GPCPD1: variants seen among roughly 807,000 people sequenced by gnomAD.
The protein encoded by GPCPD1 is glycerophosphocholine phosphodiesterase 1.
A neutral mutation model predicts 89.2 loss-of-function variants in GPCPD1; 29 were observed. The observed-to-expected ratio is 0.33, with a 90% CI of 0.24 to 0.44. The LOEUF (loss-of-function observed/expected upper bound fraction) is 0.44, where lower values mean the gene tolerates loss of function less well. Ranked by LOEUF, GPCPD1 falls within the 20% of genes least tolerant of loss-of-function variation. The pLI is 1.00. For missense variants in GPCPD1, 594 were observed against 808.9 expected (o/e 0.73, Z 3.22); for synonymous variants, 258 against 266.3 (o/e 0.97, Z 0.30).
intron 11 of GPCPD1, 43 bp downstream of exon 11, chr20:5,573,872 T>C (rs749632829): frequency 2.0e-6 from 2 of 1,002,924 alleles, no homozygotes; most frequent in Admixed American, 3.5e-5. Flanking sequence ...CTGATCCATA[T>C]TTCTCTACCT....
intron 1 of GPCPD1, among the ~76,000 whole-genome samples, chr20:5,606,137 A>G (rs897783356): frequency 5.9e-5 from 9 of 152,206 alleles, no homozygotes; most frequent in Non-Finnish European, 1.2e-4. Flanking sequence ...CCCATCCACT[A>G]ACTTAAGTAC....
At chr20:5,564,606 C>T (rs1436549677) in intron 15 of GPCPD1, among the ~76,000 whole-genome samples, 1 of 152,112 alleles carries the variant, frequency 6.6e-6, no homozygotes, top group East Asian at 1.9e-4. Flanking sequence ...GGCTGGGGGA[C>T]AGCGTAAGTC....
In GPCPD1 at chr20:5,573,944, T is replaced by C. The variant is rs752678117; in HGVS notation, c.1027A>G (p.Ile343Val). ...AQLAKVQENTIASLRNAASHG... is the reference protein window; with the variant it reads ...AQLAKVQENTVASLRNAASHG... ...CTAGCAGCATTTCTTAAAGAAGCAA[T>C]AGTATTTTCTTGAACTTTAGCCAGC... is the stretch of plus-strand genomic sequence containing the variant. The change falls in exon 11 of 20, where the codon ATT becomes GTT. Residue 343 changes from isoleucine to valine, a missense_variant. Ile to Val is a conservative substitution (Grantham distance 29). Coordinates refer to ENST00000379019, the MANE Select transcript of GPCPD1 (RefSeq NM_019593.5). 9.9e-6 allele frequency: 15 copies of C among 1,520,470 alleles called. No homozygotes were observed. The East Asian group carries it at 2.5e-4, about 25-fold the overall frequency. 94.2% of individuals were successfully genotyped at this position (1,520,470 alleles called of 1,614,324 possible).
At chr20:5,555,525 C>T (rs6053492) in intron 19 of GPCPD1, among the ~76,000 whole-genome samples, 15 of 150,882 alleles carry the variant, frequency 9.9e-5, no homozygotes, top group South Asian at 4.2e-4. Context: ...GGCGACAGAG[C>T]GAGACTCAAT....
chr20:5,605,790 T>A (rs556188944), intron 1 of GPCPD1, among the ~76,000 whole-genome samples: 4 of 151,922 alleles, frequency 2.6e-5, no homozygotes, highest in African/African-American at 9.7e-5. Context: ...CTTTTCAGAT[T>A]TTCTCTTTAT....
At chr20:5,564,609 C>CG (rs1986275423) in intron 15 of GPCPD1, among the ~76,000 whole-genome samples, 1 of 152,076 alleles carries the variant, frequency 6.6e-6, no homozygotes, top group Admixed American at 6.6e-5. Flanking sequence ...TGGGGGACAG[C>CG]GTAAGTCCAG....
At chr20:5,577,624 T>A (rs1978297820) in intron 8 of GPCPD1, among the ~76,000 whole-genome samples, 1 of 152,164 alleles carries the variant, frequency 6.6e-6, no homozygotes. Context: ...CATTCTGAAT[T>A]CTGTTGTTCT....
intron 15 of GPCPD1, among the ~76,000 whole-genome samples, chr20:5,562,009 T>G (rs917221288): frequency 3.3e-5 from 5 of 152,224 alleles, no homozygotes; most frequent in African/African-American, 1.2e-4. Flanking sequence ...CCTGAAAAGA[T>G]GTATCCCCAA....
intron 6 of GPCPD1, among the ~76,000 whole-genome samples, chr20:5,584,031 C>T (rs1978738532): frequency 6.6e-6 from 1 of 152,170 alleles, no homozygotes; most frequent in Non-Finnish European, 1.5e-5. Context: ...CATTGCTTAA[C>T]AATGAAGATA....
chr20:5,558,121 T>C lies in GPCPD1; in HGVS notation c.1669-16A>G. On this transcript the variant is annotated splice_polypyrimidine_tract_variant and intron_variant, in intron 18 of 19. Coordinates refer to ENST00000379019, the MANE Select transcript of GPCPD1 (RefSeq NM_019593.5). ...CATTTATCCCCTAGAAGAAGAAAAA[T>C]TAGTTGTGCATGAAAAAGAAACATT... 6.5e-7 allele frequency: 1 copy of C among 1,528,698 alleles called. No homozygotes were observed. 94.7% of individuals were successfully genotyped at this position (1,528,698 alleles called of 1,614,324 possible).
chr20:5,549,489 C>A (rs1600705446), intron 19 of GPCPD1: 1 of 1,187,426 alleles, frequency 8.4e-7, no homozygotes, highest in East Asian at 2.6e-5. Context: ...TAAGAAGACA[C>A]CTTCTGAGTA....
chr20:5,552,051 CACG>C (rs2122534849), intron 19 of GPCPD1, among the ~76,000 whole-genome samples: 1 of 152,216 alleles, frequency 6.6e-6, no homozygotes, highest in African/African-American at 2.4e-5. Flanking sequence ...TTTGAGGGGA[CACG>C]GTCTCAGCCA....
At chr20:5,557,878 T>G in intron 19 of GPCPD1, 67 bp downstream of exon 19, 2 of 851,422 alleles carry the variant, frequency 2.3e-6, no homozygotes, top group Non-Finnish European at 3.6e-6. Flanking sequence ...TTAATTTTAT[T>G]TATAATTTCG....
Position 5,553,999 on chromosome 20 carries a change from C to T in GPCPD1, c.1829+3946G>A, listed in dbSNP as rs750239896. Among the ~76,000 whole-genome samples, 20 of 94,738 alleles carry T rather than the reference C, an allele frequency of 2.1e-4. 4 individuals carry two copies. Among genetic ancestry groups the T allele is most frequent in the Non-Finnish European group, 4.3e-4 (20 of 46,014 alleles). The allele number at this position is 94,738 out of a possible 152,430, so 62.2% of individuals were successfully genotyped here. ...TTTCTTTTTTTTTAAGACAGAGTCT[C>T]GCTCTGTCACCCAGGCTGCAGTGCA... On this transcript the variant is annotated intron_variant, in intron 19 of 19. Transcript: ENST00000379019.
chr20:5,606,548 T>C (rs568520171), intron 1 of GPCPD1, among the ~76,000 whole-genome samples: 25 of 152,250 alleles, frequency 1.6e-4, no homozygotes, highest in Non-Finnish European at 2.6e-4. Flanking sequence ...TAGATAGATC[T>C]ATACCAGCAG....
intron 2 of GPCPD1, among the ~76,000 whole-genome samples, chr20:5,600,555 C>T (rs1457380275): frequency 1.3e-5 from 2 of 151,272 alleles, no homozygotes; most frequent in Non-Finnish European, 2.9e-5. Flanking sequence ...GGGTGCAAGC[C>T]GGGTGCGGTG....
chr20:5,561,737 A>G (rs1986093420), intron 15 of GPCPD1, among the ~76,000 whole-genome samples: 1 of 152,254 alleles, frequency 6.6e-6, no homozygotes, highest in Non-Finnish European at 1.5e-5. Context: ...AAAAGAAATT[A>G]AGCAGCAAAA....
At chr20:5,563,440 G>A (rs895030433) in intron 15 of GPCPD1, among the ~76,000 whole-genome samples, 8 of 152,166 alleles carry the variant, frequency 5.3e-5, no homozygotes, top group African/African-American at 1.9e-4. Flanking sequence ...TTAGAAAATT[G>A]AATTAGAAGA....
chr20:5,579,933 TA>T, intron 7 of GPCPD1, 74 bp downstream of exon 7: 1 of 926,584 alleles, frequency 1.1e-6, no homozygotes, highest in Non-Finnish European at 1.7e-6. Context: ...ACTTAAAGGC[TA>T]AAACCAATTG....
Sources: gnomAD v4.1 joint callset for allele counts (sites outside exome capture counted in the v4.1 genomes callset) on GRCh38, gnomAD v4.1.1 for gene constraint, MANE v1.5 for transcripts, NCBI Gene and HGNC (gene_info 2026-07-23, HGNC 2026-07-21) for gene names.